The following PAIP2B variants were observed in gnomAD, a reference collection of about 807,000 sequenced individuals.
The protein encoded by PAIP2B is polyadenylate-binding protein-interacting protein 2B.
PAIP2B carries 13 observed loss-of-function variants against 17.0 expected under a neutral mutation model. The ratio of observed to expected loss-of-function variants is 0.76; its 90% CI spans 0.50 to 1.22. PAIP2B has a LOEUF of 1.22. Ranked by LOEUF, PAIP2B falls within the 50% of genes most tolerant of loss-of-function variation. The pLI, the probability that PAIP2B is intolerant of heterozygous loss-of-function variation, is 0.00. For missense variants in PAIP2B, 117 were observed against 144.5 expected, an observed-to-expected ratio of 0.81 and a Z score of 0.98; for synonymous variants, 43 against 48.7, an observed-to-expected ratio of 0.88 and a Z score of 0.48.
chr2:71,203,908 T>C (rs1675057129), intron 1 of PAIP2B, among the ~76,000 whole-genome samples: 1 of 152,130 alleles, frequency 6.6e-6, no homozygotes, highest in African/African-American at 2.4e-5. Context: ...TCTAAACCCA[T>C]TTTGATGTTT....
rs530871790 is a variant in PAIP2B at position 71,226,173 on chromosome 2, A to G, written c.-12+755T>C. Among the ~76,000 whole-genome samples, 25 of 152,362 alleles carry G rather than the reference A, an allele frequency of 1.6e-4. No individual in the cohort carries two copies. The South Asian group carries it at 4.1e-3, about 25-fold the overall frequency. ...GGTCAAATGCCATTTGAAGGCAAAA[A>G]CAGTCTACCAGGAACAAAACATTAA... is the stretch of plus-strand genomic sequence containing the variant. On this transcript the variant is annotated intron_variant, in intron 1 of 3. Transcript: ENST00000244221.
rs570743228 is a variant in PAIP2B, at chr2:71,196,332, T to C, written c.138+6120A>G. Among the ~76,000 whole-genome samples, 9 of 152,336 alleles carry C rather than the reference T, an allele frequency of 5.9e-5. No individual in the cohort carries two copies. The South Asian group carries it at 1.9e-3, about 32-fold the overall frequency. On this transcript the variant is annotated intron_variant, in intron 2 of 3. Transcript: ENST00000244221. ...ATGTAATTGTATGGTTTTATTTTCA[T>C]TGTGTTGACTTCTATTTTTATTGTG...
intron 2 of PAIP2B, among the ~76,000 whole-genome samples, chr2:71,193,288 T>A (rs1370926500): frequency 6.6e-6 from 1 of 152,120 alleles, no homozygotes; most frequent in Admixed American, 6.5e-5. Context: ...TTTAATGGGG[T>A]TGTTTTTCTC....
intron 1 of PAIP2B, among the ~76,000 whole-genome samples, chr2:71,225,940 T>C (rs1309402043): frequency 6.6e-6 from 1 of 152,220 alleles, no homozygotes; most frequent in Non-Finnish European, 1.5e-5. Context: ...TTCTATATTT[T>C]ATGACAAAGT....
At chr2:71,209,885 C>T (rs1054017364) in intron 1 of PAIP2B, among the ~76,000 whole-genome samples, 1 of 151,570 alleles carries the variant, frequency 6.6e-6, no homozygotes, top group Non-Finnish European at 1.5e-5. Flanking sequence ...AGTACAGTGG[C>T]GCGATCTCAG....
rs188191076 is a variant in PAIP2B, at chr2:71,186,580, A to T, written c.*1899T>A. 2 of 152,372 alleles carry T rather than the reference A, an allele frequency of 1.3e-5. No individual in the cohort carries two copies. Among genetic ancestry groups the T allele is most frequent in the Admixed American group, 1.3e-4 (2 of 15,304 alleles). 9.4% of individuals were successfully genotyped at this position (152,372 alleles called of 1,614,324 possible). On this transcript the variant is annotated 3_prime_UTR_variant, in exon 4 of 4. Transcript: ENST00000244221. ...ACAGGCTCACGAGGATGAAGGAGGA[A>T]AAGCAGTCCCAGAAGGGAGAGATTT...
intron 1 of PAIP2B, among the ~76,000 whole-genome samples, chr2:71,203,953 T>C (rs563388583): frequency 6.6e-6 from 1 of 152,154 alleles, no homozygotes; most frequent in South Asian, 2.1e-4. Flanking sequence ...TTTTCTGTTA[T>C]TCATCTAAAT....
At chr2:71,203,790 T>G (rs1675051835) in intron 1 of PAIP2B, among the ~76,000 whole-genome samples, 1 of 151,668 alleles carries the variant, frequency 6.6e-6, no homozygotes, top group Non-Finnish European at 1.5e-5. Context: ...TCATTATATT[T>G]AATTTTTTAT....
intron 1 of PAIP2B, among the ~76,000 whole-genome samples, chr2:71,222,415 G>C (rs543237913): frequency 9.2e-5 from 14 of 152,212 alleles, no homozygotes; most frequent in African/African-American, 3.4e-4. Flanking sequence ...TCTCTAGTAG[G>C]GGCCTTCTGT....
intron 3 of PAIP2B, among the ~76,000 whole-genome samples, chr2:71,189,410 C>G (rs569716397): frequency 1.4e-3 from 209 of 152,320 alleles, no homozygotes; most frequent in African/African-American, 4.7e-3. Flanking sequence ...CTCAGGAGTA[C>G]ATTTCTTCCA....
intron 1 of PAIP2B, among the ~76,000 whole-genome samples, chr2:71,206,091 C>T (rs562856812): frequency 1.2e-3 from 183 of 152,312 alleles, no homozygotes; most frequent in African/African-American, 4.4e-3. Flanking sequence ...TTGTTTTAAC[C>T]TGCTAATCTT....
Position 71,186,163 on chromosome 2 carries a change from G to T in PAIP2B, c.*2316C>A, listed in dbSNP as rs1674533818. On this transcript the variant is annotated 3_prime_UTR_variant, in exon 4 of 4. Coordinates refer to ENST00000244221, the MANE Select transcript of PAIP2B (RefSeq NM_020459.1). ...GCCAGAGGCTCCCAGCCTTTCCCCA[G>T]TGAAGGTCCAACAAGACACACATGC... The T allele has an allele frequency of 6.6e-6, 1 of 152,196 alleles. No individual in the cohort carries two copies. Among genetic ancestry groups the T allele is most frequent in the Non-Finnish European group, 1.5e-5 (1 of 68,048 alleles). 9.4% of individuals were successfully genotyped at this position (152,196 alleles called of 1,614,324 possible). A position where few individuals can be genotyped will look rare whatever the true frequency, so the allele number is the denominator to read the frequency against.
rs1179653139 is a variant in PAIP2B, at chr2:71,182,993, G to T, written c.*5486C>A. 19 of 102,038 alleles carry T rather than the reference G, an allele frequency of 1.9e-4. No homozygotes were observed. The highest frequency in any genetic ancestry group is 7.7e-4 in the African/African-American group (19 of 24,806). 6.3% of individuals were successfully genotyped at this position (102,038 alleles called of 1,614,324 possible). A position where few individuals can be genotyped will look rare whatever the true frequency, so the allele number is the denominator to read the frequency against. On this transcript the variant is annotated 3_prime_UTR_variant, in exon 4 of 4. Coordinates refer to ENST00000244221, the MANE Select transcript of PAIP2B (RefSeq NM_020459.1). ...GTCAAGACCTTCTGGGCCCAGTGGA[G>T]GTGCTGGGCTGCTCCGGGACACCAT...
At chr2:71,202,413 T>A in intron 2 of PAIP2B, 39 bp downstream of exon 2, 1 of 1,604,958 alleles carries the variant, frequency 6.2e-7, no homozygotes, top group Non-Finnish European at 8.5e-7. Context: ...TTGAGTTACA[T>A]GTATCATCAA....
At chr2:71,199,208 T>G (rs1329627713) in intron 2 of PAIP2B, among the ~76,000 whole-genome samples, 1 of 152,204 alleles carries the variant, frequency 6.6e-6, no homozygotes, top group Non-Finnish European at 1.5e-5. Context: ...CATGTGAACC[T>G]GTTTCCCTTA....
At chr2:71,195,663 A>T (rs1239985752) in intron 2 of PAIP2B, among the ~76,000 whole-genome samples, 3 of 151,928 alleles carry the variant, frequency 2.0e-5, no homozygotes, top group Non-Finnish European at 4.4e-5. Context: ...TCTTGAGATG[A>T]AGTCTCGCTC....
intron 1 of PAIP2B, among the ~76,000 whole-genome samples, chr2:71,208,288 G>T (rs1675191193): frequency 6.6e-6 from 1 of 152,096 alleles, no homozygotes; most frequent in Non-Finnish European, 1.5e-5. Context: ...GCTGAATGTG[G>T]TGGTACATGC....
At chr2:71,195,278 A>G (rs1447596584) in intron 2 of PAIP2B, among the ~76,000 whole-genome samples, 2 of 152,174 alleles carry the variant, frequency 1.3e-5, no homozygotes, top group Non-Finnish European at 2.9e-5. Context: ...ATTTTTTAGA[A>G]TAGTTTCTGT....
rs116152130 is a variant in PAIP2B, at chr2:71,208,544, C to T, written c.-11-5944G>A. ...GACATCACAGAAATCAAGAAAATAC[C>T]GAACCCAGTGTTCTGTATTTTCTTG... On this transcript the variant is annotated intron_variant, in intron 1 of 3. Transcript: ENST00000244221. Among the ~76,000 whole-genome samples the T allele has an allele frequency of 8.4e-3, 1,283 of 152,010 alleles. 13 individuals carry two copies. The highest frequency in any genetic ancestry group is 0.029 in the African/African-American group (1,206 of 41,458).
Sources: gnomAD v4.1 joint callset for allele counts (sites outside exome capture counted in the v4.1 genomes callset) on GRCh38, gnomAD v4.1.1 for gene constraint, MANE v1.5 for transcripts, NCBI Gene and HGNC (gene_info 2026-07-23, HGNC 2026-07-21) for gene names.